DSE: variants seen among roughly 807,000 people sequenced by gnomAD.
DSE encodes the protein dermatan sulfate epimerase, also known as dermatan-sulfate epimerase.
Under a neutral mutation model 84.4 loss-of-function variants are expected in DSE, and 36 were observed. The ratio of observed to expected loss-of-function variants is 0.43; its 90% CI spans 0.33 to 0.56. The LOEUF is 0.56. Among genes scored for constraint, DSE ranks in the 20% least tolerant of loss-of-function variants. The pLI, the probability that DSE is intolerant of heterozygous loss-of-function variation, is 0.06. For missense variants in DSE, 862 were observed against 1,169.6 expected, an observed-to-expected ratio of 0.74 and a Z score of 3.84; for synonymous variants, 410 against 430.1, an observed-to-expected ratio of 0.95 and a Z score of 0.58.
chr6:116,311,960 GA>G (rs959219736), intron 2 of DSE, among the ~76,000 whole-genome samples: 1 of 151,982 alleles, frequency 6.6e-6, no homozygotes, highest in Non-Finnish European at 1.5e-5. Flanking sequence ...GAGTAAGATT[GA>G]AAAAAACAAT....
intron 2 of DSE, among the ~76,000 whole-genome samples, chr6:116,320,463 T>C (rs1039652310): frequency 6.6e-6 from 1 of 151,694 alleles, no homozygotes; most frequent in Non-Finnish European, 1.5e-5. Flanking sequence ...TAAACTATGC[T>C]TTGGAGAGAA....
At chr6:116,378,200 CA>C (rs1241700304) in intron 1 of DSE, among the ~76,000 whole-genome samples, 1 of 152,180 alleles carries the variant, frequency 6.6e-6, no homozygotes, top group Non-Finnish European at 1.5e-5. Context: ...ATGGTAAATA[CA>C]GGGAAGTTTT....
rs1231116205 is a variant in DSE at position 116,399,655 on chromosome 6, G to A, written c.405G>A (p.Ala135=). The part of the protein sequence containing the change: ...MAKDYMERMA[A]QPSWLVKDAP... The stretch of plus-strand genomic sequence containing the variant: ...AAGACTACATGGAGAGGATGGCAGC[G>A]CAGCCTAGTTGGTAGATTTTTGTCT... Residue 135 remains alanine, a synonymous_variant, in exon 2 of 6, where the codon GCG becomes GCA. Coordinates refer to ENST00000644252, the MANE Select transcript of DSE (RefSeq NM_013352.4). 22 of 1,612,596 alleles carry A rather than the reference G, an allele frequency of 1.4e-5. No individual in the cohort carries two copies. Among genetic ancestry groups the A allele is most frequent in the Admixed American group, 5.0e-5 (3 of 59,928 alleles).
chr6:116,442,913 G>A lies in DSE; in HGVS notation c.*5568G>A, dbSNP rs1784471896. 1 of 128,012 alleles carries A rather than the reference G, an allele frequency of 7.8e-6. No homozygotes were observed. Among genetic ancestry groups the A allele is most frequent in the South Asian group, 2.4e-4 (1 of 4,174 alleles). 7.9% of individuals were successfully genotyped at this position (128,012 alleles called of 1,614,324 possible). ...GTATGTGAAACTTTGAAAAATCCCT[G>A]AGATGGCTCTGATATGCCCCCCATA... On this transcript the variant is annotated 3_prime_UTR_variant, in exon 6 of 6. Coordinates refer to ENST00000644252, the MANE Select transcript of DSE (RefSeq NM_013352.4).
chr6:116,347,215 G>A (rs375141115), intron 2 of DSE, among the ~76,000 whole-genome samples: 9 of 152,108 alleles, frequency 5.9e-5, no homozygotes, highest in East Asian at 1.9e-4. Context: ...TATAGATTCA[G>A]TGCCATCCCC....
rs750010592 is a variant in DSE, at chr6:116,431,088, C to T, written c.805C>T (p.Leu269Phe). 1 of 1,614,196 alleles carries T rather than the reference C, an allele frequency of 6.2e-7. No homozygotes were observed. The highest frequency in any genetic ancestry group is 1.1e-5 in the South Asian group (1 of 91,078). The change falls in exon 4 of 6, where the codon CTC (leucine) becomes TTC (phenylalanine). Residue 269 changes from leucine to phenylalanine, a missense_variant. Leu to Phe is a conservative substitution (Grantham distance 22). Transcript: ENST00000644252. ...VAYGSYTTRSLFQYMFLVQRH... is the reference protein window; with the variant it reads ...VAYGSYTTRSFFQYMFLVQRH... ...GTATGGCAGCTACACCACTAGATCA[C>T]TCTTCCAATACATGTTTCTCGTCCA...
chr6:116,283,131 A>G (rs1379254906), intron 2 of DSE, among the ~76,000 whole-genome samples: 1 of 152,224 alleles, frequency 6.6e-6, no homozygotes, highest in Non-Finnish European at 1.5e-5. Context: ...AAGACTTACC[A>G]AAAACCTGTC....
rs540249585 is a variant in DSE, at chr6:116,269,925, C to A, written c.-54+10958C>A. Among the ~76,000 whole-genome samples, 25 of 152,170 alleles carry A rather than the reference C, an allele frequency of 1.6e-4. No homozygotes were observed. The South Asian group carries it at 3.9e-3, about 24-fold the overall frequency. On this transcript the variant is annotated intron_variant, in intron 2 of 3. Transcript: ENST00000430252. ...ATATTGGATCAAGACTGGAACACAG[C>A]CACTCTCTGAAATCACATTCCAATT...
intron 2 of DSE, among the ~76,000 whole-genome samples, chr6:116,316,826 C>CTATTATTAT (rs5879374): frequency 0.15 from 22,464 of 145,752 alleles, 2,290 homozygotes; most frequent in East Asian, 0.46. Context: ...ACTACTACTA[C>CTATTATTAT]TATTATTATT....
intron 2 of DSE, chr6:116,280,099 G>C: frequency 1.8e-6 from 1 of 547,342 alleles, no homozygotes; most frequent in African/African-American, 1.9e-5. Context: ...AATAAATGTC[G>C]ATTGTGCTGA....
At chr6:116,262,024 G>T (rs573527495) in intron 2 of DSE, among the ~76,000 whole-genome samples, 1 of 152,300 alleles carries the variant, frequency 6.6e-6, no homozygotes, top group East Asian at 1.9e-4. Flanking sequence ...CTTTTGCATT[G>T]ATGTTCAGCA....
chr6:116,283,769 C>G (rs943883525), intron 2 of DSE, among the ~76,000 whole-genome samples: 2 of 152,126 alleles, frequency 1.3e-5, no homozygotes, highest in African/African-American at 4.8e-5. Flanking sequence ...GTCTCGAATT[C>G]CCGACCTCAG....
At chr6:116,397,983 TTTC>T (rs1562280958) in intron 1 of DSE, among the ~76,000 whole-genome samples, 1 of 152,192 alleles carries the variant, frequency 6.6e-6, no homozygotes, top group South Asian at 2.1e-4. Context: ...ATTATTAGTT[TTTC>T]TTCTTCTAAA....
chr6:116,370,018 T>G (rs1023464079), upstream of DSE: 17 of 1,177,800 alleles, frequency 1.4e-5, no homozygotes, highest in Admixed American at 2.3e-5. Context: ...GGCAAAGTAT[T>G]CCTGAGGTGA....
chr6:116,306,580 A>G (rs1304099511), intron 2 of DSE, among the ~76,000 whole-genome samples: 1 of 152,006 alleles, frequency 6.6e-6, no homozygotes, highest in African/African-American at 2.4e-5. Context: ...TCCACTGGTT[A>G]CCTCCTATGC....
At chr6:116,288,704 C>G in intron 2 of DSE, among the ~76,000 whole-genome samples, 1 of 152,054 alleles carries the variant, frequency 6.6e-6, no homozygotes, top group East Asian at 1.9e-4. Flanking sequence ...ATTTCAAGTA[C>G]TTATTAGCAA....
intron 1 of DSE, among the ~76,000 whole-genome samples, chr6:116,397,075 T>C (rs905466964): frequency 4.6e-5 from 7 of 152,120 alleles, no homozygotes; most frequent in Non-Finnish European, 1.0e-4. Context: ...GGGGGTTCAG[T>C]TAAAGGAGAA....
At chr6:116,287,794 A>G (rs981045724) in intron 2 of DSE, among the ~76,000 whole-genome samples, 1 of 152,056 alleles carries the variant, frequency 6.6e-6, no homozygotes, top group Admixed American at 6.6e-5. Flanking sequence ...AACTTCCAAG[A>G]CATCCTTAAG....
chr6:116,258,432 G>C, intron 1 of DSE: 1 of 733,554 alleles, frequency 1.4e-6, no homozygotes, highest in Non-Finnish European at 2.5e-6. Flanking sequence ...TAATTTTTTT[G>C]CTTTTTTTGG....
Sources: gnomAD v4.1 joint callset for allele counts (sites outside exome capture counted in the v4.1 genomes callset) on GRCh38, gnomAD v4.1.1 for gene constraint, MANE v1.5 for transcripts, NCBI Gene and HGNC (gene_info 2026-07-23, HGNC 2026-07-21) for gene names.